The following NRG1 variants were observed in gnomAD, a reference collection of about 807,000 sequenced individuals.
NRG1 encodes the protein neuregulin 1, also known as pro-neuregulin-1, membrane-bound isoform.
Under a neutral mutation model 63.8 loss-of-function variants are expected in NRG1, and 18 were observed. The ratio of observed to expected loss-of-function variants is 0.28; its 90% confidence interval spans 0.19 to 0.42. NRG1 has a LOEUF of 0.42. Ranked by LOEUF, NRG1 falls within the 10% of genes least tolerant of loss-of-function variation. The pLI, the probability that NRG1 is intolerant of heterozygous loss-of-function variation, is 1.00. For synonymous variants in NRG1, 302 were observed against 301.3 expected, an observed-to-expected ratio of 1.00 and a Z score of -0.02; for missense variants, 762 against 814.7, an observed-to-expected ratio of 0.94 and a Z score of 0.79.
chr8:32,740,815 A>G (rs1468304803), intron 6 of NRG1, among the ~76,000 whole-genome samples: 1 of 152,190 alleles, frequency 6.6e-6, no homozygotes, highest in African/African-American at 2.4e-5. Context: ...AGTTTTGTTC[A>G]TATCTCTTTG....
chr8:32,540,245 AG>A (rs893800407), intron 1 of NRG1, among the ~76,000 whole-genome samples: 3 of 152,170 alleles, frequency 2.0e-5, no homozygotes, highest in African/African-American at 7.2e-5. Context: ...GAGGGGAAGA[AG>A]GAAAAAAAAT....
intron 1 of NRG1, among the ~76,000 whole-genome samples, chr8:31,758,423 T>C (rs748502529): frequency 8.5e-5 from 13 of 152,152 alleles, no homozygotes; most frequent in Non-Finnish European, 2.9e-5. Context: ...CATGTATGTC[T>C]ACTGCAGCAC....
At chr8:32,381,318 G>T (rs1005875619) in intron 1 of NRG1, among the ~76,000 whole-genome samples, 10 of 152,188 alleles carry the variant, frequency 6.6e-5, no homozygotes, top group African/African-American at 2.4e-4. Flanking sequence ...CCTTAGCCAA[G>T]CCCCTAAAGT....
chr8:32,101,090 A>G (rs117984414), intron 1 of NRG1, among the ~76,000 whole-genome samples: 1,583 of 152,284 alleles, frequency 0.01, 9 homozygotes, highest in Non-Finnish European at 0.014. Flanking sequence ...TTATACCCCA[A>G]ATAGAATATG....
intron 1 of NRG1, among the ~76,000 whole-genome samples, chr8:32,058,972 G>T (rs551785188): frequency 1.3e-5 from 2 of 151,842 alleles, no homozygotes; most frequent in Non-Finnish European, 2.9e-5. Flanking sequence ...TTTGCCCAAA[G>T]GTTAACTTTA....
intron 1 of NRG1, among the ~76,000 whole-genome samples, chr8:32,400,910 G>A (rs1353627996): frequency 3.3e-5 from 5 of 152,188 alleles, no homozygotes; most frequent in Non-Finnish European, 4.4e-5. Flanking sequence ...ATCAACAGTA[G>A]ATTGAATAAA....
chr8:31,952,552 A>T (rs996493111), intron 1 of NRG1, among the ~76,000 whole-genome samples: 1 of 151,932 alleles, frequency 6.6e-6, no homozygotes, highest in African/African-American at 2.4e-5. Flanking sequence ...TGTTTAAATA[A>T]TTTTTTTTTC....
At chr8:32,428,859 T>A (rs1442842977) in intron 1 of NRG1, among the ~76,000 whole-genome samples, 2 of 152,216 alleles carry the variant, frequency 1.3e-5, no homozygotes, top group African/African-American at 4.8e-5. Flanking sequence ...GTTCAAGACC[T>A]AGAGAAATTT....
intron 6 of NRG1, chr8:32,728,682 G>T: frequency 1.0e-6 from 1 of 982,780 alleles, no homozygotes; most frequent in Non-Finnish European, 1.2e-6. Flanking sequence ...CCCTGTGGGT[G>T]ACAGCAGTGT....
chr8:31,844,802 C>G (rs911300259), intron 1 of NRG1, among the ~76,000 whole-genome samples: 1 of 149,288 alleles, frequency 6.7e-6, no homozygotes, highest in Non-Finnish European at 1.5e-5. Context: ...TTTTTTTTTC[C>G]TTTTCCTTTT....
At chr8:32,121,222 T>G (rs1431592666) in intron 1 of NRG1, among the ~76,000 whole-genome samples, 1 of 152,050 alleles carries the variant, frequency 6.6e-6, no homozygotes, top group Non-Finnish European at 1.5e-5. Flanking sequence ...TTTTGTTTTG[T>G]TTTGTTTTGT....
intron 1 of NRG1, among the ~76,000 whole-genome samples, chr8:32,244,166 C>T (rs773261747): frequency 7.2e-5 from 11 of 152,104 alleles, no homozygotes; most frequent in Non-Finnish European, 8.8e-5. Context: ...GTATTGCCAA[C>T]TCTTTTATAT....
At chr8:31,865,436 A>G (rs1422874488) in intron 1 of NRG1, among the ~76,000 whole-genome samples, 1 of 152,076 alleles carries the variant, frequency 6.6e-6, no homozygotes, top group Non-Finnish European at 1.5e-5. Flanking sequence ...AATCTACCAT[A>G]TGATATGGTT....
chr8:32,293,019 G>T (rs999475247), intron 1 of NRG1, among the ~76,000 whole-genome samples: 2 of 152,104 alleles, frequency 1.3e-5, no homozygotes, highest in Non-Finnish European at 2.9e-5. Context: ...CAGGAGAATC[G>T]CTTGAACCTG....
At chr8:32,006,037 TG>T (rs1265662155) in intron 1 of NRG1, among the ~76,000 whole-genome samples, 1 of 151,986 alleles carries the variant, frequency 6.6e-6, no homozygotes, top group Non-Finnish European at 1.5e-5. Flanking sequence ...TCTGGAAACA[TG>T]GACAAAGACA....
chr8:32,632,549 CAAA>C (rs5890673), intron 5 of NRG1, among the ~76,000 whole-genome samples: 1 of 110,048 alleles, frequency 9.1e-6, no homozygotes, highest in Non-Finnish European at 1.9e-5. Flanking sequence ...AACTCCATCT[CAAA>C]AAAAAAAAAA....
At chr8:32,014,513 C>G (rs1298802521) in intron 1 of NRG1, among the ~76,000 whole-genome samples, 8 of 151,892 alleles carry the variant, frequency 5.3e-5, no homozygotes, top group South Asian at 2.1e-4. Context: ...GCTAGAGAGA[C>G]TAGAGGAGCC....
intron 1 of NRG1, among the ~76,000 whole-genome samples, chr8:31,888,765 C>A (rs897391521): frequency 2.6e-5 from 4 of 152,060 alleles, no homozygotes; most frequent in Middle Eastern, 3.4e-3. Flanking sequence ...CTTTTCATGG[C>A]AGATTTTATA....
intron 1 of NRG1, among the ~76,000 whole-genome samples, chr8:32,508,841 T>C (rs1198572289): frequency 6.6e-6 from 1 of 151,796 alleles, no homozygotes. Flanking sequence ...GTTCAAGCAA[T>C]TCTCAGGCCT....
Sources: gnomAD v4.1 joint callset for allele counts (sites outside exome capture counted in the v4.1 genomes callset) on GRCh38, gnomAD v4.1.1 for gene constraint, MANE v1.5 for transcripts, NCBI Gene and HGNC (gene_info 2026-07-23, HGNC 2026-07-21) for gene names.